The following GPR89B variants were observed in gnomAD, a reference collection of about 807,000 sequenced individuals.
GPR89B encodes G protein-coupled receptor 89B.
GPR89B carries 25 observed loss-of-function variants against 52.4 expected under a neutral mutation model. The observed-to-expected ratio is 0.48, with a 90% CI of 0.35 to 0.67. The LOEUF (loss-of-function observed/expected upper bound fraction) is 0.67. Among genes scored for constraint, GPR89B ranks in the 30% least tolerant of loss-of-function variants. GPR89B has a pLI of 0.01. For synonymous variants in GPR89B, 52 were observed against 151.2 expected (o/e 0.34, Z 4.81); for missense variants, 146 against 450.2 (o/e 0.32, Z 6.11).
At chr1:148,023,283 T>C in the GPR89B span, among the ~76,000 whole-genome samples, 1 of 146,850 alleles carries the variant, frequency 6.8e-6, no homozygotes. Context: ...CATTCTTTTT[T>C]ATGGGTGTGC....
chr1:147,970,012 G>T (rs1194636392), intron 10 of GPR89B, 53 bp downstream of exon 10: 13 of 890,168 alleles, frequency 1.5e-5, no homozygotes, highest in African/African-American at 3.9e-5. Context: ...CCTGGTAGTG[G>T]CAGGGAGATA....
intron 9 of GPR89B, chr1:147,969,224 AC>A: frequency 2.2e-6 from 1 of 449,152 alleles, no homozygotes; most frequent in South Asian, 2.9e-5. Flanking sequence ...GGAAGGTGGC[AC>A]GTACCACCTC....
the GPR89B span, chr1:148,009,620 TTAA>T: frequency 8.3e-7 from 1 of 1,211,858 alleles, no homozygotes; most frequent in Non-Finnish European, 1.2e-6. Flanking sequence ...AAAGGTAACT[TTAA>T]TAACCCTCTG....
rs1659215084 is a variant in GPR89B at position 147,993,515 on chromosome 1, C to CA, written c.*602dup. ...GGTATGCACCTGAAATAGATTTTAC[C>CA]AAAAGAGAGATTTCAGTTATGTCAT... On this transcript the variant is annotated 3_prime_UTR_variant, in exon 14 of 14. Transcript: ENST00000314163. 5.9e-6 allele frequency: 1 copy of CA among 169,406 alleles called. No homozygotes were observed. The highest frequency in any genetic ancestry group is 1.3e-5 in the Non-Finnish European group (1 of 77,398). 10.5% of individuals were successfully genotyped at this position (169,406 alleles called of 1,614,324 possible). A position where few individuals can be genotyped will look rare whatever the true frequency, so the allele number is the denominator to read the frequency against.
At chr1:148,009,558 A>T in the GPR89B span, 4 of 1,543,456 alleles carry the variant, frequency 2.6e-6, no homozygotes, top group Admixed American at 1.7e-5. Context: ...TAGTAAAGTC[A>T]CTGAATTCCC....
At chr1:147,997,023 C>CT (rs1178935916), downstream of GPR89B, among the ~76,000 whole-genome samples, 1 of 151,994 alleles carries the variant, frequency 6.6e-6, no homozygotes, top group Admixed American at 6.6e-5. Flanking sequence ...CAAAAGAAGT[C>CT]TAAAAAATTG....
intron 1 of GPR89B, among the ~76,000 whole-genome samples, chr1:147,932,460 G>C (rs1653728708): frequency 6.6e-6 from 1 of 152,040 alleles, no homozygotes; most frequent in African/African-American, 2.4e-5. Flanking sequence ...AACGCCAGGA[G>C]TTTAACCCTC....
At chr1:148,008,103 A>G in the GPR89B span, among the ~76,000 whole-genome samples, 2 of 151,978 alleles carry the variant, frequency 1.3e-5, no homozygotes, top group African/African-American at 2.4e-5. Flanking sequence ...GGACTCTTGT[A>G]TGTCAACCTA....
intron 12 of GPR89B, among the ~76,000 whole-genome samples, chr1:147,991,019 A>G (rs1387270185): frequency 6.6e-6 from 1 of 151,472 alleles, no homozygotes; most frequent in East Asian, 1.9e-4. Context: ...ATGGCATTGA[A>G]TCTATAAATT....
the GPR89B span, among the ~76,000 whole-genome samples, chr1:148,024,905 T>C: frequency 6.6e-6 from 1 of 152,056 alleles, no homozygotes; most frequent in Non-Finnish European, 1.5e-5. Context: ...CTCACCTCTG[T>C]GGATGGAAAC....
Position 147,992,486 on chromosome 1 carries a change from C to T in GPR89B, c.1096-16C>T. 2 of 1,611,300 alleles carry T rather than the reference C, an allele frequency of 1.2e-6. No homozygotes were observed. Among genetic ancestry groups the T allele is most frequent in the East Asian group, 2.2e-5 (1 of 44,846 alleles). On this transcript the variant is annotated splice_polypyrimidine_tract_variant and intron_variant, in intron 12 of 13. Coordinates refer to ENST00000314163, the MANE Select transcript of GPR89B (RefSeq NM_016334.5). ...CTAACAGTACTGCATAAATTTATCT[C>T]CCTCTTTCTTGACAGTTCTTTTATG...
At chr1:148,005,786 G>C in the GPR89B span, among the ~76,000 whole-genome samples, 1 of 150,806 alleles carries the variant, frequency 6.6e-6, no homozygotes, top group Admixed American at 6.6e-5. Context: ...TCAGCCTTGG[G>C]TCTGGGGAGT....
At chr1:147,976,987 C>A (rs1311977073) in intron 10 of GPR89B, among the ~76,000 whole-genome samples, 2 of 151,684 alleles carry the variant, frequency 1.3e-5, no homozygotes, top group African/African-American at 4.9e-5. Flanking sequence ...GTAATCCCAG[C>A]ACTTTGGGAG....
intron 10 of GPR89B, among the ~76,000 whole-genome samples, chr1:147,972,664 T>A (rs1283246492): frequency 6.6e-5 from 10 of 151,968 alleles, no homozygotes; most frequent in Admixed American, 1.3e-4. Context: ...AATTTTTTTT[T>A]AAATTTTAAG....
chr1:147,956,520 A>C (rs1340891295), intron 7 of GPR89B, among the ~76,000 whole-genome samples: 2 of 152,006 alleles, frequency 1.3e-5, no homozygotes, highest in Admixed American at 6.6e-5. Flanking sequence ...TTCAATGAAC[A>C]TTCCAAAAAT....
downstream of GPR89B, chr1:147,996,496 TG>T: frequency 6.7e-7 from 1 of 1,489,948 alleles, no homozygotes; most frequent in Non-Finnish European, 9.2e-7. Context: ...CTGTGTTTGT[TG>T]GGCTGCTGGA....
chr1:147,966,280 G>A (rs1185302361), intron 7 of GPR89B, among the ~76,000 whole-genome samples: 1 of 151,886 alleles, frequency 6.6e-6, no homozygotes, highest in African/African-American at 2.4e-5. Context: ...GATATGAGGA[G>A]ATGAAAACTC....
intron 10 of GPR89B, among the ~76,000 whole-genome samples, chr1:147,981,500 A>T (rs1323262877): frequency 0.02 from 2,863 of 142,810 alleles, 97 homozygotes; most frequent in African/African-American, 0.061. Flanking sequence ...AGACTGTCTT[A>T]AAAAAAAAAT....
At chr1:147,990,586 A>C (rs1457225638) in intron 12 of GPR89B, among the ~76,000 whole-genome samples, 13 of 152,158 alleles carry the variant, frequency 8.5e-5, no homozygotes, top group African/African-American at 3.1e-4. Flanking sequence ...TTTTACATCT[A>C]ACATTTAAGT....
Sources: allele counts gnomAD v4.1 joint callset (sites outside exome capture counted in the v4.1 genomes callset), GRCh38; gene constraint gnomAD v4.1.1; transcripts MANE v1.5; gene names NCBI Gene and HGNC (gene_info 2026-07-23, HGNC 2026-07-21).